SH3GL1: variants seen among roughly 807,000 people sequenced by gnomAD.
The protein encoded by SH3GL1 is endophilin-A2.
In SH3GL1, 21 loss-of-function variants were observed where a neutral mutation model predicts 48.8. That is an observed-to-expected ratio of 0.43 (90% CI 0.30 to 0.62). The LOEUF is 0.62. SH3GL1 is among the 20% of genes least tolerant of loss of function. The probability of loss-of-function intolerance (pLI) is 0.11; values close to 1 mark genes in which losing one functional copy is unlikely to be tolerated. For synonymous variants in SH3GL1, 282 were observed against 217.5 expected, an observed-to-expected ratio of 1.30 and a Z score of -2.61; for missense variants, 454 against 503.0, an observed-to-expected ratio of 0.90 and a Z score of 0.93.
At chr19:4,392,464 C>T (rs1043097017) in intron 1 of SH3GL1, among the ~76,000 whole-genome samples, 46 of 150,104 alleles carry the variant, frequency 3.1e-4, no homozygotes, top group African/African-American at 1.1e-3. Flanking sequence ...GCGGAGGTTG[C>T]AGTGACCTGA....
In SH3GL1 at chr19:4,389,217, G is replaced by A. The variant is rs1189429476; in HGVS notation, c.45+11107C>T. Among the ~76,000 whole-genome samples the A allele has an allele frequency of 6.6e-6, 1 of 152,194 alleles. No individual in the cohort carries two copies. On this transcript the variant is annotated intron_variant, in intron 1 of 9. Coordinates refer to ENST00000269886, the MANE Select transcript of SH3GL1 (RefSeq NM_003025.4). This position sits in a 1 kb window ranked among gnomAD's most constrained non-coding sequence, Gnocchi z 4.5. ...ATCACACATGCCCGAGCACAGCCCA[G>A]CCTCAGGAGCTGCCGTCCGATGGGA...
rs1156434266 is a variant in SH3GL1 at position 4,361,807 on chromosome 19, G to A, written c.911-11C>T. The A allele has an allele frequency of 1.1e-5, 18 of 1,597,404 alleles. No homozygotes were observed. Among genetic ancestry groups the A allele is most frequent in the South Asian group, 3.3e-5 (3 of 90,852 alleles). On this transcript the variant is annotated splice_polypyrimidine_tract_variant and intron_variant, in intron 9 of 9. Coordinates refer to ENST00000269886, the MANE Select transcript of SH3GL1 (RefSeq NM_003025.4). Reference sequence around the variant, plus strand: ...GCTGGTCCAGGGGCGCTGGGGGCGGGAGCGGGCTGTGGGGCTGGGGCTGCT... The same window carrying A: ...GCTGGTCCAGGGGCGCTGGGGGCGGAAGCGGGCTGTGGGGCTGGGGCTGCT...
At chr19:4,385,658 GCCCACT>G (rs1973222226) in intron 1 of SH3GL1, among the ~76,000 whole-genome samples, 1 of 152,224 alleles carries the variant, frequency 6.6e-6, no homozygotes, top group African/African-American at 2.4e-5. Flanking sequence ...CAACAGAGGG[GCCCACT>G]GGTGCCTTCT....
In SH3GL1 at chr19:4,360,503, G is replaced by A. The variant is rs1249398076; in HGVS notation, c.*1097C>T. ...TTCTGACGAGGGGGGTGCAGGGCAGGGCAGAGCAGAGCCTGGGGTCCGGAG... is the reference window on the plus strand; with the variant it reads ...TTCTGACGAGGGGGGTGCAGGGCAGAGCAGAGCAGAGCCTGGGGTCCGGAG... On this transcript the variant is annotated 3_prime_UTR_variant, in exon 10 of 10. Coordinates refer to ENST00000269886, the MANE Select transcript of SH3GL1 (RefSeq NM_003025.4). 1.7e-5 allele frequency: 4 copies of A among 233,944 alleles called. No homozygotes were observed. Among genetic ancestry groups the A allele is most frequent in the Non-Finnish European group, 2.5e-5 (3 of 118,614 alleles). The allele number at this position is 233,944 out of a possible 1,614,324, so 14.5% of individuals were successfully genotyped here. A position where few individuals can be genotyped will look rare whatever the true frequency, so the allele number is the denominator to read the frequency against.
chr19:4,380,562 G>A (rs1449702230), intron 1 of SH3GL1, among the ~76,000 whole-genome samples: 1 of 152,180 alleles, frequency 6.6e-6, no homozygotes, highest in African/African-American at 2.4e-5. Flanking sequence ...GGAAGATGTG[G>A]GAGGGCGTCA....
At chr19:4,382,318 C>T (rs907328806) in intron 1 of SH3GL1, among the ~76,000 whole-genome samples, 18 of 132,298 alleles carry the variant, frequency 1.4e-4, no homozygotes, top group Non-Finnish European at 2.6e-4. Flanking sequence ...AGTGCAGTGG[C>T]GCGATCTCGG....
At chr19:4,364,001 C>T (rs1216009454) in intron 5 of SH3GL1, 87 bp downstream of exon 5, 12 of 1,604,476 alleles carry the variant, frequency 7.5e-6, no homozygotes, top group East Asian at 2.2e-5. Flanking sequence ...AGGGCAGTGC[C>T]GAGGCTGGAG....
At chr19:4,374,212 G>T (rs1007429099) in intron 1 of SH3GL1, among the ~76,000 whole-genome samples, 1 of 152,348 alleles carries the variant, frequency 6.6e-6, no homozygotes, top group East Asian at 1.9e-4. Flanking sequence ...AGCAGAGAGG[G>T]AATCAGCCAC....
At chr19:4,395,686 T>C (rs565337327) in intron 1 of SH3GL1, 1 of 152,190 alleles carries the variant, frequency 6.6e-6, no homozygotes, top group African/African-American at 2.4e-5. Flanking sequence ...GGCGGGCAGA[T>C]CATGAGGTCA....
rs1047870641 is a variant in SH3GL1, at chr19:4,360,489, G to T, written c.*1111C>A. On this transcript the variant is annotated 3_prime_UTR_variant, in exon 10 of 10. Transcript: ENST00000269886. ...CGCCCCTCATGTACTTCTGACGAGGGGGGTGCAGGGCAGGGCAGAGCAGAG... is the reference window on the plus strand; with the variant it reads ...CGCCCCTCATGTACTTCTGACGAGGTGGGTGCAGGGCAGGGCAGAGCAGAG... The T allele has an allele frequency of 4.3e-6, 1 of 234,342 alleles. No individual in the cohort carries two copies. The highest frequency in any genetic ancestry group is 2.2e-5 in the African/African-American group (1 of 45,416). 14.5% of individuals were successfully genotyped at this position (234,342 alleles called of 1,614,324 possible).
At chr19:4,366,823 C>T in intron 2 of SH3GL1, 103 bp downstream of exon 2, 1 of 1,232,738 alleles carries the variant, frequency 8.1e-7, no homozygotes, top group Non-Finnish European at 1.2e-6. Context: ...GGCCCCATCA[C>T]TCCAGACCCA....
intron 3 of SH3GL1, among the ~76,000 whole-genome samples, chr19:4,366,059 C>G (rs2144866526): frequency 6.6e-6 from 1 of 152,250 alleles, no homozygotes; most frequent in South Asian, 2.1e-4. Flanking sequence ...TGCGTCTGCC[C>G]CCTGTCCGTG....
intron 1 of SH3GL1, among the ~76,000 whole-genome samples, chr19:4,393,285 AAAAC>A (rs1251994994): frequency 2.8e-5 from 4 of 144,134 alleles, no homozygotes; most frequent in African/African-American, 7.4e-5. Flanking sequence ...CAAAAATAAC[AAAAC>A]AAACAAACAA....
At chr19:4,381,797 A>G (rs1973138730) in intron 1 of SH3GL1, among the ~76,000 whole-genome samples, 1 of 142,376 alleles carries the variant, frequency 7.0e-6, no homozygotes, top group Admixed American at 7.5e-5. Context: ...GGTTCACAAC[A>G]TTCTCCTGCC....
chr19:4,370,932 G>T (rs1335141348), intron 1 of SH3GL1, among the ~76,000 whole-genome samples: 2 of 152,218 alleles, frequency 1.3e-5, no homozygotes, highest in East Asian at 3.9e-4. Context: ...TCAGATCTTT[G>T]CCCAGAGATG....
chr19:4,361,890 T>A, intron 9 of SH3GL1, 94 bp from the exon 10 acceptor site: 5 of 906,960 alleles, frequency 5.5e-6, no homozygotes, highest in Non-Finnish European at 8.6e-6. Flanking sequence ...AGCGTGTGGG[T>A]GGGCATGGGC....
Position 4,362,403 on chromosome 19 carries a change from G to C in SH3GL1, c.854-18C>G. 1.2e-6 allele frequency: 2 copies of C among 1,607,086 alleles called. No individual in the cohort carries two copies. The highest frequency in any genetic ancestry group is 1.7e-6 in the Non-Finnish European group (2 of 1,176,444). On this transcript the variant is annotated intron_variant, in intron 8 of 9. Coordinates refer to ENST00000269886, the MANE Select transcript of SH3GL1 (RefSeq NM_003025.4). ...CGATGAAGCTAAACACAAGCAAAAC[G>C]AGGAGGCTGTGGGCTCAAAACGGTC...
chr19:4,388,352 C>T (rs1185168126), intron 1 of SH3GL1, among the ~76,000 whole-genome samples: 2 of 152,166 alleles, frequency 1.3e-5, no homozygotes, highest in Non-Finnish European at 2.9e-5. Flanking sequence ...CTGTGGTCTG[C>T]GAGTCGTGGG....
chr19:4,374,546 G>A (rs772283451), intron 1 of SH3GL1, among the ~76,000 whole-genome samples: 3 of 152,244 alleles, frequency 2.0e-5, no homozygotes, highest in Non-Finnish European at 4.4e-5. Flanking sequence ...ATCCCGGAAG[G>A]CCTCCACCAG....
Sources: allele counts gnomAD v4.1 joint callset (sites outside exome capture counted in the v4.1 genomes callset), GRCh38; gene constraint gnomAD v4.1.1; non-coding constraint Gnocchi (gnomAD v3.1); transcripts MANE v1.5; gene names NCBI Gene and HGNC (gene_info 2026-07-23, HGNC 2026-07-21).